Variants in SYNCRIP observed in about 807,000 individuals in gnomAD.
SYNCRIP encodes the protein heterogeneous nuclear ribonucleoprotein Q.
SYNCRIP carries 9 observed loss-of-function variants against 68.9 expected under a neutral mutation model. The ratio of observed to expected loss-of-function variants is 0.13; its 90% CI spans 0.08 to 0.23. SYNCRIP has a LOEUF of 0.23. Ranked by LOEUF, SYNCRIP falls within the 10% of genes least tolerant of loss-of-function variation. The pLI is 1.00. For synonymous variants in SYNCRIP, 258 were observed against 254.0 expected, an observed-to-expected ratio of 1.02 and a Z score of -0.15; for missense variants, 414 against 770.6, an observed-to-expected ratio of 0.54 and a Z score of 5.48.
rs764223196 is a variant in SYNCRIP at position 85,614,798 on chromosome 6, G to C, written c.1830C>G (p.Asn610Lys). ...HSGNYGYKSE[N>K]QEFYQDTFGQ... Reference sequence around the variant, plus strand: ...CAAAAGTATCCTGATAAAACTCCTGGTTTTCAGATTTGTAACCATAGTTAC... The same window carrying C: ...CAAAAGTATCCTGATAAAACTCCTGCTTTTCAGATTTGTAACCATAGTTAC... The change falls in exon 11 of 11, where the codon AAC (asparagine) becomes AAG (lysine). Residue 610 changes from asparagine to lysine, a missense_variant. Transcript: ENST00000369622. 6.2e-7 allele frequency: 1 copy of C among 1,610,860 alleles called. No individual in the cohort carries two copies. The highest frequency in any genetic ancestry group is 1.7e-5 in the Admixed American group (1 of 59,058).
intron 6 of SYNCRIP, among the ~76,000 whole-genome samples, chr6:85,627,744 G>A (rs1317634891): frequency 6.6e-6 from 1 of 152,160 alleles, no homozygotes; most frequent in Non-Finnish European, 1.5e-5. Flanking sequence ...CCTGAATCTT[G>A]TTAGTTGTAA....
chr6:85,621,293 G>GT (rs1330991204), intron 8 of SYNCRIP, among the ~76,000 whole-genome samples: 1 of 152,156 alleles, frequency 6.6e-6, no homozygotes, highest in Non-Finnish European at 1.5e-5. Flanking sequence ...CACCTAACCT[G>GT]TAAGTAACAA....
At chr6:85,627,515 T>A (rs1583281653) in intron 6 of SYNCRIP, among the ~76,000 whole-genome samples, 1 of 149,234 alleles carries the variant, frequency 6.7e-6, no homozygotes, top group Non-Finnish European at 1.5e-5. Flanking sequence ...CTCTATCACC[T>A]AAAAAAAAAC....
chr6:85,616,428 T>C (rs1228402429), intron 10 of SYNCRIP, among the ~76,000 whole-genome samples: 1 of 152,088 alleles, frequency 6.6e-6, no homozygotes, highest in African/African-American at 2.4e-5. Flanking sequence ...TGGGTTCAAG[T>C]GATTCTCCTG....
intron 6 of SYNCRIP, among the ~76,000 whole-genome samples, chr6:85,634,133 A>C (rs1039569989): frequency 2.0e-5 from 3 of 152,196 alleles, no homozygotes; most frequent in African/African-American, 7.2e-5. Flanking sequence ...TATATTAATA[A>C]GACTATATTC....
rs749928894 is a variant in SYNCRIP at position 85,615,198 on chromosome 6, T to C, written c.1430A>G (p.Tyr477Cys). Residue 477 changes from tyrosine to cysteine, a missense_variant, in exon 11 of 11, where the codon TAT becomes TGT. By Grantham distance (194) the Tyr-to-Cys change is radical (BLOSUM62 -2). Transcript: ENST00000369622. ...GTATGGATCTTCATATCCACCACGA[T>C]AGTTATGGTAATCATAACCATAATA... ...YDYYGYDYHN[Y>C]RGGYEDPYYG... 6.2e-7 allele frequency: 1 copy of C among 1,611,056 alleles called. No homozygotes were observed. Among genetic ancestry groups the C allele is most frequent in the Non-Finnish European group, 8.5e-7 (1 of 1,178,304 alleles).
chr6:85,640,176 C>A (rs775948664), intron 4 of SYNCRIP, 45 bp downstream of exon 4: 5 of 1,329,008 alleles, frequency 3.8e-6, no homozygotes, highest in Non-Finnish European at 5.4e-6. Flanking sequence ...AATTAGGAAA[C>A]AGTTAAAATG....
At chr6:85,631,673 C>T (rs1422999498) in intron 6 of SYNCRIP, among the ~76,000 whole-genome samples, 1 of 152,224 alleles carries the variant, frequency 6.6e-6, no homozygotes, top group Non-Finnish European at 1.5e-5. Context: ...ACTCTTTTAA[C>T]ACTACCTAAA....
intron 6 of SYNCRIP, among the ~76,000 whole-genome samples, chr6:85,625,326 A>G (rs1325875899): frequency 1.3e-5 from 2 of 151,628 alleles, no homozygotes; most frequent in South Asian, 2.1e-4. Flanking sequence ...GACTCCTGCT[A>G]CTTTCTCCTC....
chr6:85,627,515 TAAAAAA>T (rs955868015), intron 6 of SYNCRIP, among the ~76,000 whole-genome samples: 1 of 149,234 alleles, frequency 6.7e-6, no homozygotes, highest in Non-Finnish European at 1.5e-5. Flanking sequence ...CTCTATCACC[TAAAAAA>T]AAACAAAAAC....
intron 8 of SYNCRIP, among the ~76,000 whole-genome samples, chr6:85,622,210 A>T (rs1014909231): frequency 4.8e-5 from 7 of 144,342 alleles, no homozygotes; most frequent in Non-Finnish European, 9.3e-5. Context: ...CAGCTCTACT[A>T]AAAAAAACAC....
At chr6:85,639,715 A>G (rs1164925937) in intron 4 of SYNCRIP, among the ~76,000 whole-genome samples, 1 of 152,232 alleles carries the variant, frequency 6.6e-6, no homozygotes, top group Non-Finnish European at 1.5e-5. Flanking sequence ...CCAAAAAAAA[A>G]GCCTCCTCCT....
At chr6:85,608,215 T>C (rs1230285173), downstream of SYNCRIP, 4 of 152,112 alleles carry the variant, frequency 2.6e-5, no homozygotes, top group Admixed American at 6.5e-5. Context: ...AATGTATGGA[T>C]AATCAAAGGG....
At chr6:85,629,679 A>G (rs1477383221) in intron 6 of SYNCRIP, among the ~76,000 whole-genome samples, 9 of 152,034 alleles carry the variant, frequency 5.9e-5, no homozygotes. Flanking sequence ...AAAATTAGCC[A>G]GGCGTGGTGG....
intron 7 of SYNCRIP, among the ~76,000 whole-genome samples, chr6:85,623,701 G>A (rs770821423): frequency 4.0e-5 from 6 of 151,478 alleles, no homozygotes; most frequent in Non-Finnish European, 7.4e-5. Context: ...AAAGAAATAC[G>A]ATCTTCCAAA....
chr6:85,607,985 T>A (rs987042650), downstream of SYNCRIP: 4 of 152,050 alleles, frequency 2.6e-5, no homozygotes, highest in African/African-American at 9.7e-5. Flanking sequence ...AACCAAGAAA[T>A]CCTAGGGGTA....
intron 8 of SYNCRIP, among the ~76,000 whole-genome samples, 180 bp downstream of exon 8, chr6:85,622,302 G>C (rs1023812462): frequency 6.6e-6 from 1 of 152,136 alleles, no homozygotes. Flanking sequence ...CCGGGAGGCG[G>C]AGGTTGCAGT....
At chr6:85,632,886 G>T (rs911427503) in intron 6 of SYNCRIP, among the ~76,000 whole-genome samples, 1 of 152,118 alleles carries the variant, frequency 6.6e-6, no homozygotes, top group African/African-American at 2.4e-5. Flanking sequence ...AGTGAGCATT[G>T]ATCATGACAC....
In SYNCRIP at chr6:85,618,115, C is replaced by T. The variant is rs551466598; in HGVS notation, c.1280+703G>A. On this transcript the variant is annotated intron_variant, in intron 10 of 10. Transcript: ENST00000369622. The stretch of plus-strand genomic sequence containing the variant: ...CACTACTGGTGAAGAAACAGTCTAT[C>T]ATGAATAGAGATTTAGTATTTCCTA... 2.6e-5 allele frequency among the ~76,000 whole-genome samples: 4 copies of T among 152,230 alleles called. No individual in the cohort carries two copies. In the South Asian group the frequency reaches 6.2e-4, roughly 24 times the overall value.
Sources: allele counts gnomAD v4.1 joint callset (sites outside exome capture counted in the v4.1 genomes callset), GRCh38; gene constraint gnomAD v4.1.1; transcripts MANE v1.5; gene names NCBI Gene and HGNC (gene_info 2026-07-23, HGNC 2026-07-21).